The following GRK5 variants were observed in gnomAD, a reference collection of about 807,000 sequenced individuals.
GRK5 encodes the protein g protein-coupled receptor kinase GRK5.
Under a neutral mutation model 78.4 loss-of-function variants are expected in GRK5, and 40 were observed. The ratio of observed to expected loss-of-function variants is 0.51; its 90% confidence interval spans 0.40 to 0.66. The LOEUF is 0.66. GRK5 is among the 30% of genes least tolerant of loss of function. The pLI, the probability that GRK5 is intolerant of heterozygous loss-of-function variation, is 0.00. For missense variants in GRK5, 598 were observed against 759.9 expected, an observed-to-expected ratio of 0.79 and a Z score of 2.50; for synonymous variants, 289 against 296.8, an observed-to-expected ratio of 0.97 and a Z score of 0.27.
chr10:119,227,851 A>G (rs1276240229), intron 1 of GRK5, among the ~76,000 whole-genome samples: 1 of 152,194 alleles, frequency 6.6e-6, no homozygotes, highest in African/African-American at 2.4e-5. Context: ...CTTGTTGCTG[A>G]CTAGAGTGTA....
At chr10:119,342,425 CAGTTTCCTTAT>C (rs908568791) in intron 2 of GRK5, among the ~76,000 whole-genome samples, 19 of 152,196 alleles carry the variant, frequency 1.2e-4, no homozygotes, top group African/African-American at 4.6e-4. Context: ...CCCTGAACCT[CAGTTTCCTTAT>C]CTGCAAAATG....
At chr10:119,411,364 C>G (rs1852333101) in intron 4 of GRK5, among the ~76,000 whole-genome samples, 1 of 152,118 alleles carries the variant, frequency 6.6e-6, no homozygotes, top group African/African-American at 2.4e-5. Flanking sequence ...CACAAGACTC[C>G]AGAGAGCCCA....
At chr10:119,429,076 C>A (rs1852762212) in intron 6 of GRK5, among the ~76,000 whole-genome samples, 1 of 152,236 alleles carries the variant, frequency 6.6e-6, no homozygotes, top group Non-Finnish European at 1.5e-5. Flanking sequence ...TTCCCTTTGG[C>A]TGTCCAGCCG....
intron 1 of GRK5, among the ~76,000 whole-genome samples, chr10:119,280,872 C>G (rs974504993): frequency 6.6e-6 from 1 of 151,588 alleles, no homozygotes; most frequent in African/African-American, 2.4e-5. Context: ...CTCTGCCTCC[C>G]GGGTTCAAGC....
chr10:119,214,605 G>A (rs371160263), intron 1 of GRK5, among the ~76,000 whole-genome samples: 1 of 151,868 alleles, frequency 6.6e-6, no homozygotes, highest in South Asian at 2.1e-4. Context: ...CTGCAACTTC[G>A]ACCTCCTGGG....
chr10:119,215,125 G>T (rs1278638104), intron 1 of GRK5, among the ~76,000 whole-genome samples: 1 of 152,212 alleles, frequency 6.6e-6, no homozygotes, highest in Non-Finnish European at 1.5e-5. Flanking sequence ...CTCTTCAGGG[G>T]CTCTGTTCAA....
At chr10:119,427,772 G>A (rs1852727554) in intron 6 of GRK5, among the ~76,000 whole-genome samples, 2 of 132,500 alleles carry the variant, frequency 1.5e-5, no homozygotes, top group African/African-American at 3.6e-5. Context: ...ACCATCAGCG[G>A]CATCACCACC....
intron 2 of GRK5, among the ~76,000 whole-genome samples, chr10:119,365,078 C>G (rs1403041812): frequency 6.6e-6 from 1 of 152,192 alleles, no homozygotes; most frequent in Non-Finnish European, 1.5e-5. Flanking sequence ...TAACACGGAG[C>G]AGCAGCGCCC....
At chr10:119,280,744 TTTCCTTCC>T (rs1219707686) in intron 1 of GRK5, among the ~76,000 whole-genome samples, 2 of 151,060 alleles carry the variant, frequency 1.3e-5, no homozygotes. Context: ...TGACTTCCTG[TTTCCTTCC>T]TTCCTTCCTT....
intron 1 of GRK5, among the ~76,000 whole-genome samples, chr10:119,282,545 G>A (rs1490594735): frequency 6.6e-6 from 1 of 152,248 alleles, no homozygotes. Flanking sequence ...TCCGGCTGGG[G>A]CAGGAGAGGC....
intron 12 of GRK5, among the ~76,000 whole-genome samples, chr10:119,444,085 A>G (rs1423649640): frequency 6.6e-6 from 1 of 152,076 alleles, no homozygotes; most frequent in African/African-American, 2.4e-5. Context: ...GGTGCCCCAG[A>G]CACAAAGCAA....
At chr10:119,272,303 G>A (rs59678540) in intron 1 of GRK5, among the ~76,000 whole-genome samples, 3,478 of 152,318 alleles carry the variant, frequency 0.023, 80 homozygotes, top group African/African-American at 0.063. Flanking sequence ...GAGGCCGGGC[G>A]TGGTGGCTCA....
Position 119,453,051 on chromosome 10 carries a change from G to A in GRK5, c.1543-94G>A, listed in dbSNP as rs909627823. The A allele has an allele frequency of 1.7e-5, 15 of 906,466 alleles. No homozygotes were observed. The African/African-American group carries it at 1.8e-4, about 11-fold the overall frequency. 56.2% of individuals were successfully genotyped at this position (906,466 alleles called of 1,614,324 possible). A position where few individuals can be genotyped will look rare whatever the true frequency, so the allele number is the denominator to read the frequency against. ...TGGAGGGCGTGTGGCTCAGGGGCAG[G>A]TGAGGCCAGGGGAGGGAGCCCCAGT... is the stretch of plus-strand genomic sequence containing the variant. On this transcript the variant is annotated intron_variant, in intron 14 of 15. Coordinates refer to ENST00000392870, the MANE Select transcript of GRK5 (RefSeq NM_005308.3).
At chr10:119,405,059 C>T (rs924618322) in intron 4 of GRK5, among the ~76,000 whole-genome samples, 3 of 152,144 alleles carry the variant, frequency 2.0e-5, no homozygotes, top group East Asian at 1.9e-4. Flanking sequence ...AGTGCCCCAC[C>T]GCAATTACTA....
chr10:119,312,138 C>T (rs1850370172), intron 1 of GRK5, among the ~76,000 whole-genome samples: 1 of 152,158 alleles, frequency 6.6e-6, no homozygotes, highest in African/African-American at 2.4e-5. Flanking sequence ...GTCTCGATCT[C>T]CTGACCTCGT....
At chr10:119,240,497 G>A (rs543614840) in intron 1 of GRK5, among the ~76,000 whole-genome samples, 1 of 152,038 alleles carries the variant, frequency 6.6e-6, no homozygotes, top group African/African-American at 2.4e-5. Context: ...CACCACGCCC[G>A]GCCTTCCCAA....
chr10:119,449,289 G>T (rs369695314), intron 13 of GRK5, among the ~76,000 whole-genome samples: 4 of 152,182 alleles, frequency 2.6e-5, no homozygotes, highest in Admixed American at 6.5e-5. Flanking sequence ...TACCAGTACC[G>T]CCCTGAGTGG....
intron 1 of GRK5, among the ~76,000 whole-genome samples, chr10:119,236,192 G>T (rs1848922297): frequency 6.6e-6 from 1 of 152,068 alleles, no homozygotes; most frequent in African/African-American, 2.4e-5. Context: ...TAGCCCAGAG[G>T]TTGCAAACTG....
At chr10:119,321,976 T>C (rs570928175) in intron 1 of GRK5, among the ~76,000 whole-genome samples, 68 of 152,262 alleles carry the variant, frequency 4.5e-4, no homozygotes, top group African/African-American at 1.5e-3. Context: ...TCCACATCCC[T>C]ACCCTTGACT....
Sources: gnomAD v4.1 joint callset for allele counts (sites outside exome capture counted in the v4.1 genomes callset) on GRCh38, gnomAD v4.1.1 for gene constraint, MANE v1.5 for transcripts, NCBI Gene and HGNC (gene_info 2026-07-23, HGNC 2026-07-21) for gene names.